The following TRA2B variants were observed in gnomAD, a reference collection of about 807,000 sequenced individuals.
The protein encoded by TRA2B is transformer-2 protein homolog beta.
A neutral mutation model predicts 41.7 loss-of-function variants in TRA2B; 14 were observed. The ratio of observed to expected loss-of-function variants is 0.34; its 90% CI spans 0.22 to 0.53. TRA2B has a LOEUF of 0.53. Among genes scored for constraint, TRA2B ranks in the 20% least tolerant of loss-of-function variants. TRA2B has a pLI of 0.95. For missense variants in TRA2B, 167 were observed against 396.8 expected, an observed-to-expected ratio of 0.42 and a Z score of 4.92; for synonymous variants, 130 against 128.8, an observed-to-expected ratio of 1.01 and a Z score of -0.06.
At chr3:185,933,248 A>T (rs1744217187) in intron 1 of TRA2B, among the ~76,000 whole-genome samples, 1 of 152,172 alleles carries the variant, frequency 6.6e-6, no homozygotes, top group East Asian at 1.9e-4. Flanking sequence ...CAATGTGGAT[A>T]CCTTCCTGCT....
At chr3:185,931,209 A>AG (rs1744143147) in intron 1 of TRA2B, among the ~76,000 whole-genome samples, 1 of 152,200 alleles carries the variant, frequency 6.6e-6, no homozygotes, top group African/African-American at 2.4e-5. Flanking sequence ...TCAGTACTGA[A>AG]GGAAAGGGGA....
At chr3:185,929,146 GT>G (rs1339032694) in intron 1 of TRA2B, 1 of 152,126 alleles carries the variant, frequency 6.6e-6, no homozygotes, top group South Asian at 2.1e-4. Context: ...ACTTGTTTGG[GT>G]AACACCTAAA....
intron 3 of TRA2B, 170 bp downstream of exon 3, chr3:185,925,294 G>T: frequency 1.4e-6 from 1 of 714,964 alleles, no homozygotes; most frequent in Non-Finnish European, 2.2e-6. Flanking sequence ...CCCAAATGCA[G>T]ACCCCGTCAT....
intron 1 of TRA2B, among the ~76,000 whole-genome samples, chr3:185,929,376 T>C (rs1455232578): frequency 2.6e-5 from 4 of 152,062 alleles, no homozygotes; most frequent in Admixed American, 2.0e-4. Context: ...AGTCCCTAAA[T>C]CTAAGCATAC....
chr3:185,932,318 G>C (rs1744180827), intron 1 of TRA2B, among the ~76,000 whole-genome samples: 1 of 152,152 alleles, frequency 6.6e-6, no homozygotes, highest in Non-Finnish European at 1.5e-5. Flanking sequence ...GACTTGTCTA[G>C]ATAGGATAAA....
At chr3:185,935,196 T>C (rs899488498) in intron 1 of TRA2B, 7 of 985,336 alleles carry the variant, frequency 7.1e-6, no homozygotes, top group East Asian at 1.1e-4. Context: ...TCAACCCCTT[T>C]ACAAAATGCA....
Position 185,917,395 on chromosome 3 carries a change from G to C in TRA2B, c.*320C>G, listed in dbSNP as rs1018417209. On this transcript the variant is annotated 3_prime_UTR_variant, in exon 9 of 9. Coordinates refer to ENST00000453386, the MANE Select transcript of TRA2B (RefSeq NM_004593.3). ...CATTTTACACAGGCTTCGATCTTCA[G>C]AATACCCTGGATTCAGTAGAAAAAC... The C allele has an allele frequency of 3.1e-6, 1 of 325,064 alleles. No homozygotes were observed. Among genetic ancestry groups the C allele is most frequent in the East Asian group, 5.3e-5 (1 of 18,936 alleles). The allele number at this position is 325,064 out of a possible 1,614,324, so 20.1% of individuals were successfully genotyped here. A position where few individuals can be genotyped will look rare whatever the true frequency, so the allele number is the denominator to read the frequency against.
At chr3:185,923,231 C>G (rs1047203178) in intron 4 of TRA2B, 1 of 152,854 alleles carries the variant, frequency 6.5e-6, no homozygotes, top group Non-Finnish European at 1.5e-5. Flanking sequence ...AGCCGGAGAT[C>G]GCGCCATTGC....
chr3:185,928,944 A>G (rs918686765), intron 1 of TRA2B: 1 of 152,226 alleles, frequency 6.6e-6, no homozygotes, highest in African/African-American at 2.4e-5. Flanking sequence ...CTCCTAACCT[A>G]GAAAATAAGA....
chr3:185,924,112 G>C (rs1283867864), intron 3 of TRA2B, 128 bp from the exon 4 acceptor site: 1 of 704,128 alleles, frequency 1.4e-6, no homozygotes, highest in African/African-American at 1.8e-5. Flanking sequence ...ACCAAACACT[G>C]CTTAGAAATT....
chr3:185,937,960 C>G lies in TRA2B; in HGVS notation c.-100G>C. The G allele has an allele frequency of 2.0e-6, 3 of 1,464,558 alleles. No homozygotes were observed. The highest frequency in any genetic ancestry group is 9.4e-7 in the Non-Finnish European group (1 of 1,065,612). The allele number at this position is 1,464,558 out of a possible 1,614,324, so 90.7% of individuals were successfully genotyped here. On this transcript the variant is annotated 5_prime_UTR_variant, in exon 1 of 9. Coordinates refer to ENST00000453386, the MANE Select transcript of TRA2B (RefSeq NM_004593.3). ...TCCGCCGCAGCCCCGCACGACGCGCCGGTCGCCCAGCCGCTCAGAGCCGAA... is the reference window on the plus strand; with the variant it reads ...TCCGCCGCAGCCCCGCACGACGCGCGGGTCGCCCAGCCGCTCAGAGCCGAA...
intron 1 of TRA2B, among the ~76,000 whole-genome samples, chr3:185,929,326 C>A (rs903092124): frequency 2.4e-4 from 37 of 152,138 alleles, no homozygotes; most frequent in African/African-American, 8.7e-4. Context: ...AACTTTAAAT[C>A]TCAATGCAGA....
At chr3:185,937,752 G>T in intron 1 of TRA2B, 73 bp downstream of exon 1, 1 of 1,604,398 alleles carries the variant, frequency 6.2e-7, no homozygotes, top group Non-Finnish European at 8.5e-7. Flanking sequence ...CTCCTGGCCC[G>T]AGGCCGACGG....
intron 3 of TRA2B, chr3:185,925,213 C>T (rs770149658): frequency 1.9e-4 from 71 of 370,710 alleles, no homozygotes; most frequent in East Asian, 2.7e-4. Context: ...GTAATGCAGT[C>T]GGAAGTTTTT....
rs1743485853 is a variant in TRA2B at position 185,915,945 on chromosome 3, A to G, written c.*1770T>C. 1 of 152,010 alleles carries G rather than the reference A, an allele frequency of 6.6e-6. No individual in the cohort carries two copies. The highest frequency in any genetic ancestry group is 2.1e-4 in the South Asian group (1 of 4,816). 9.4% of individuals were successfully genotyped at this position (152,010 alleles called of 1,614,324 possible). A position where few individuals can be genotyped will look rare whatever the true frequency, so the allele number is the denominator to read the frequency against. On this transcript the variant is annotated 3_prime_UTR_variant, in exon 9 of 9. Transcript: ENST00000453386. ...CTTTAATGTATCCATCCATAACACAACCCCCTCTGGGACCACACCCTAAAA... is the reference window on the plus strand; with the variant it reads ...CTTTAATGTATCCATCCATAACACAGCCCCCTCTGGGACCACACCCTAAAA...
chr3:185,936,164 A>AT (rs1290542475), intron 1 of TRA2B: 46 of 985,278 alleles, frequency 4.7e-5, no homozygotes, highest in Non-Finnish European at 5.3e-5. Context: ...GTCATTTAGT[A>AT]TTTTTGAAGA....
intron 4 of TRA2B, 134 bp from the exon 5 acceptor site, chr3:185,922,260 C>G (rs1743771569): frequency 1.9e-6 from 1 of 524,030 alleles, no homozygotes; most frequent in Non-Finnish European, 3.4e-6. Context: ...AACGTAAGGT[C>G]TACAACTTAC....
intron 1 of TRA2B, chr3:185,936,218 A>G (rs544203572): frequency 1.0e-6 from 1 of 985,374 alleles, no homozygotes; most frequent in African/African-American, 1.7e-5. Context: ...TTAATAACAA[A>G]AGACTTTAAA....
chr3:185,931,658 TTC>T, intron 1 of TRA2B: 1 of 1,285,246 alleles, frequency 7.8e-7, no homozygotes, highest in Non-Finnish European at 9.8e-7. Flanking sequence ...CCGTTTCAAA[TTC>T]TGACTTCTTT....
Sources: allele counts gnomAD v4.1 joint callset (sites outside exome capture counted in the v4.1 genomes callset), GRCh38; gene constraint gnomAD v4.1.1; transcripts MANE v1.5; gene names NCBI Gene and HGNC (gene_info 2026-07-23, HGNC 2026-07-21).